STAU2: variants seen among roughly 807,000 people sequenced by gnomAD.
STAU2 encodes the protein double-stranded RNA-binding protein Staufen homolog 2.
STAU2 carries 20 observed loss-of-function variants against 65.9 expected under a neutral mutation model. The ratio of observed to expected loss-of-function variants is 0.30; its 90% CI spans 0.21 to 0.44. STAU2 has a LOEUF of 0.44. STAU2 is among the 20% of genes least tolerant of loss of function. STAU2 has a pLI of 1.00. For synonymous variants in STAU2, 232 were observed against 233.9 expected (o/e 0.99, Z 0.07); for missense variants, 558 against 683.9 (o/e 0.82, Z 2.05).
At chr8:73,494,388 C>A (rs557529334) in intron 13 of STAU2, among the ~76,000 whole-genome samples, 3 of 151,486 alleles carry the variant, frequency 2.0e-5, no homozygotes, top group Non-Finnish European at 1.5e-5. Context: ...TATAAAATTC[C>A]GTCTCTCTTA....
intron 13 of STAU2, among the ~76,000 whole-genome samples, chr8:73,536,651 G>A (rs564303798): frequency 5.3e-4 from 81 of 152,156 alleles, no homozygotes; most frequent in African/African-American, 1.7e-3. Context: ...ATGATGGGGC[G>A]TCGTACTCCT....
At chr8:73,717,634 G>GTTA (rs1408604920) in intron 3 of STAU2, among the ~76,000 whole-genome samples, 1 of 149,484 alleles carries the variant, frequency 6.7e-6, no homozygotes, top group East Asian at 1.9e-4. Flanking sequence ...TGTTGTTGTT[G>GTTA]TTGTTGTTGT....
At chr8:73,653,056 T>C (rs1169468513) in intron 6 of STAU2, 1 of 152,130 alleles carries the variant, frequency 6.6e-6, no homozygotes, top group Non-Finnish European at 1.5e-5. Flanking sequence ...GTTTTCAAGA[T>C]AATAGCAATT....
chr8:73,475,576 C>T (rs1467695403), intron 13 of STAU2, among the ~76,000 whole-genome samples: 2 of 152,162 alleles, frequency 1.3e-5, no homozygotes, highest in Non-Finnish European at 2.9e-5. Flanking sequence ...AGAGATTTCA[C>T]ATCTCCTGTA....
At chr8:73,736,571 G>A (rs188151552) in intron 3 of STAU2, among the ~76,000 whole-genome samples, 1 of 152,292 alleles carries the variant, frequency 6.6e-6, no homozygotes, top group East Asian at 1.9e-4. Flanking sequence ...TCCAGCAGAG[G>A]AAATCTGTGC....
chr8:73,505,693 C>G (rs1162344801), intron 13 of STAU2, among the ~76,000 whole-genome samples: 1 of 152,072 alleles, frequency 6.6e-6, no homozygotes, highest in Non-Finnish European at 1.5e-5. Context: ...GCTTAGAAAA[C>G]TACTTCTTAA....
At chr8:73,446,346 T>C (rs1054618150) in intron 13 of STAU2, among the ~76,000 whole-genome samples, 3 of 152,180 alleles carry the variant, frequency 2.0e-5, no homozygotes, top group African/African-American at 7.2e-5. Context: ...GGTGACAGAA[T>C]AGCTTTGTAT....
intron 4 of STAU2, among the ~76,000 whole-genome samples, chr8:73,704,486 C>A (rs567513169): frequency 2.6e-5 from 4 of 151,876 alleles, no homozygotes; most frequent in African/African-American, 9.7e-5. Context: ...CGGTGTAGTG[C>A]GCTATTTTTT....
intron 12 of STAU2, among the ~76,000 whole-genome samples, chr8:73,558,630 G>T (rs1213336937): frequency 3.3e-5 from 5 of 152,198 alleles, no homozygotes; most frequent in African/African-American, 4.8e-5. Context: ...ATAAGTGTTT[G>T]TGAGTAGCAA....
chr8:73,688,876 T>C (rs2130526649), intron 4 of STAU2, 63 bp from the exon 5 acceptor site: 1 of 1,570,406 alleles, frequency 6.4e-7, no homozygotes, highest in East Asian at 2.3e-5. Context: ...AAATTGGCTG[T>C]CTGAGAGAAA....
chr8:73,452,604 C>CAAT (rs1818857391), intron 13 of STAU2, among the ~76,000 whole-genome samples: 1 of 152,226 alleles, frequency 6.6e-6, no homozygotes, highest in Admixed American at 6.5e-5. Flanking sequence ...GTGCCTTAAG[C>CAAT]AATAACACTG....
At chr8:73,428,465 C>T (rs1816999646) in intron 13 of STAU2, among the ~76,000 whole-genome samples, 1 of 151,928 alleles carries the variant, frequency 6.6e-6, no homozygotes, top group Non-Finnish European at 1.5e-5. Flanking sequence ...AAATTTCAAA[C>T]TTTTTAGGTA....
chr8:73,688,883 GA>G, intron 4 of STAU2, 70 bp from the exon 5 acceptor site: 2 of 1,552,680 alleles, frequency 1.3e-6, no homozygotes, highest in Non-Finnish European at 1.7e-6. Flanking sequence ...CTGTCTGAGA[GA>G]AAAATAAACA....
chr8:73,688,177 A>ATTTTT (rs746873037), intron 5 of STAU2, among the ~76,000 whole-genome samples: 1 of 130,168 alleles, frequency 7.7e-6, no homozygotes, highest in Non-Finnish European at 1.7e-5. Context: ...TCTCACCTTC[A>ATTTTT]TTTTTTTTTT....
intron 13 of STAU2, chr8:73,439,967 A>G (rs1228864173): frequency 6.6e-6 from 1 of 152,284 alleles, no homozygotes; most frequent in African/African-American, 2.4e-5. Flanking sequence ...CTCAAGATAC[A>G]TCAAGAGCCC....
intron 12 of STAU2, among the ~76,000 whole-genome samples, chr8:73,557,064 T>C (rs1807842672): frequency 1.3e-5 from 2 of 152,232 alleles, no homozygotes; most frequent in African/African-American, 2.4e-5. Context: ...CTAACTTCTA[T>C]ACTCAATTTA....
chr8:73,564,933 C>T (rs73328731), intron 12 of STAU2, among the ~76,000 whole-genome samples: 9,801 of 152,042 alleles, frequency 0.064, 823 homozygotes, highest in African/African-American at 0.2. Flanking sequence ...TGCGCACACG[C>T]GTGTGCACAT....
chr8:73,621,640 T>G (rs1024273645), intron 6 of STAU2, among the ~76,000 whole-genome samples: 4 of 152,182 alleles, frequency 2.6e-5, no homozygotes, highest in Non-Finnish European at 5.9e-5. Flanking sequence ...TATTTAAGTT[T>G]CAGGGTCAAA....
At chr8:73,471,457 G>A (rs1215447658) in intron 13 of STAU2, among the ~76,000 whole-genome samples, 1 of 150,056 alleles carries the variant, frequency 6.7e-6, no homozygotes, top group Non-Finnish European at 1.5e-5. Flanking sequence ...CAAAGTGCTG[G>A]GATTACAGGC....
Sources: gnomAD v4.1 joint callset for allele counts (sites outside exome capture counted in the v4.1 genomes callset) on GRCh38, gnomAD v4.1.1 for gene constraint, MANE v1.5 for transcripts, NCBI Gene and HGNC (gene_info 2026-07-23, HGNC 2026-07-21) for gene names.